NALF1: variants seen among roughly 807,000 people sequenced by gnomAD.
NALF1 encodes NALCN channel auxiliary factor 1.
A neutral mutation model predicts 48.4 loss-of-function variants in NALF1; 3 were observed. The ratio of observed to expected loss-of-function variants is 0.06; its 90% confidence interval spans 0.03 to 0.16. The LOEUF (loss-of-function observed/expected upper bound fraction) is 0.16. Ranked by LOEUF, NALF1 falls within the 10% of genes least tolerant of loss-of-function variation. The pLI is 1.00. For synonymous variants in NALF1, 262 were observed against 245.7 expected, an observed-to-expected ratio of 1.07 and a Z score of -0.62; for missense variants, 526 against 571.5, an observed-to-expected ratio of 0.92 and a Z score of 0.81.
At chr13:107,641,366 A>G (rs1880150565) in intron 1 of NALF1, among the ~76,000 whole-genome samples, 6 of 152,198 alleles carry the variant, frequency 3.9e-5, no homozygotes. Flanking sequence ...ACAGTTTGCA[A>G]TAATTTGTTG....
intron 1 of NALF1, among the ~76,000 whole-genome samples, chr13:107,247,160 G>T (rs1193172096): frequency 6.6e-6 from 1 of 152,204 alleles, no homozygotes; most frequent in South Asian, 2.1e-4. Flanking sequence ...AGATGGAAAT[G>T]CAACAGTGAA....
chr13:107,741,560 G>A (rs945556613), intron 1 of NALF1, among the ~76,000 whole-genome samples: 5 of 151,938 alleles, frequency 3.3e-5, no homozygotes, highest in African/African-American at 9.7e-5. Context: ...TAAACGGGAA[G>A]AGAAATATCT....
intron 1 of NALF1, among the ~76,000 whole-genome samples, chr13:107,298,640 CA>C (rs1382222732): frequency 1.4e-4 from 21 of 151,958 alleles, no homozygotes; most frequent in Admixed American, 1.4e-3. Context: ...CCATGGTGGT[CA>C]GGCTTGTCTC....
intron 1 of NALF1, among the ~76,000 whole-genome samples, chr13:107,795,307 G>C (rs542630979): frequency 1.3e-5 from 2 of 152,080 alleles, no homozygotes; most frequent in Admixed American, 6.5e-5. Context: ...AAAGAAAGAG[G>C]GGGGAAAGCC....
intron 1 of NALF1, among the ~76,000 whole-genome samples, chr13:107,642,212 C>T (rs1184882259): frequency 6.6e-6 from 1 of 152,126 alleles, no homozygotes. Flanking sequence ...AAGTAGTTGC[C>T]ATAATTCATG....
intron 1 of NALF1, among the ~76,000 whole-genome samples, chr13:107,768,164 G>A (rs964126956): frequency 2.0e-5 from 3 of 152,126 alleles, no homozygotes. Flanking sequence ...TTGATCCAAT[G>A]CCTCCTAGGA....
chr13:107,725,686 C>CAAA (rs1262849129), intron 1 of NALF1, among the ~76,000 whole-genome samples: 11 of 95,866 alleles, frequency 1.1e-4, no homozygotes, highest in Middle Eastern at 7.2e-3. Flanking sequence ...CTCTGTCTCT[C>CAAA]AAAAAAAAAA....
At chr13:107,676,301 C>T (rs1039337296) in intron 1 of NALF1, among the ~76,000 whole-genome samples, 2 of 152,124 alleles carry the variant, frequency 1.3e-5, no homozygotes, top group African/African-American at 4.8e-5. Context: ...CTAAAGATGT[C>T]AATGGGGCAG....
At chr13:107,787,152 T>C (rs1878099601) in intron 1 of NALF1, among the ~76,000 whole-genome samples, 1 of 152,196 alleles carries the variant, frequency 6.6e-6, no homozygotes, top group African/African-American at 2.4e-5. Flanking sequence ...TATTAAACTA[T>C]CATCACTATT....
At chr13:107,674,147 T>C (rs963501361) in intron 1 of NALF1, among the ~76,000 whole-genome samples, 1 of 150,034 alleles carries the variant, frequency 6.7e-6, no homozygotes, top group Non-Finnish European at 1.5e-5. Context: ...GTGTGATCAA[T>C]GGAAAGGTTA....
At chr13:107,361,241 A>C (rs1175712451) in intron 1 of NALF1, among the ~76,000 whole-genome samples, 1 of 152,208 alleles carries the variant, frequency 6.6e-6, no homozygotes, top group Non-Finnish European at 1.5e-5. Context: ...GGAACTGAGG[A>C]AATGACTATG....
At chr13:107,632,569 T>G (rs959494429) in intron 1 of NALF1, among the ~76,000 whole-genome samples, 2 of 152,134 alleles carry the variant, frequency 1.3e-5, no homozygotes, top group Non-Finnish European at 2.9e-5. Context: ...CTGTCCCACC[T>G]TTTAATGGCC....
chr13:107,633,005 AG>A (rs956723341), intron 1 of NALF1, among the ~76,000 whole-genome samples: 5 of 152,068 alleles, frequency 3.3e-5, no homozygotes, highest in Admixed American at 3.3e-4. Context: ...TAGCATGCAA[AG>A]TAAGACATGA....
At position 107,529,120 on chromosome 13, in the gene NALF1, T is replaced by A. The variant is rs574357740; in HGVS notation, c.916-318365A>T. 5.3e-5 allele frequency among the ~76,000 whole-genome samples: 8 copies of A among 152,262 alleles called. No homozygotes were observed. The East Asian group carries it at 1.6e-3, about 30-fold the overall frequency. On this transcript the variant is annotated intron_variant, in intron 1 of 2. Coordinates refer to ENST00000375915, the MANE Select transcript of NALF1 (RefSeq NM_001080396.3). ...TTCATTTATGTTCTATTTCATTTGC[T>A]TAACAAGATCTTCCCACCAGAGAGA... is the stretch of plus-strand genomic sequence containing the variant.
chr13:107,341,854 A>G (rs1164788078), intron 1 of NALF1, among the ~76,000 whole-genome samples: 1 of 150,526 alleles, frequency 6.6e-6, no homozygotes, highest in Non-Finnish European at 1.5e-5. Context: ...ATACAGACAC[A>G]CAGATAAACT....
intron 1 of NALF1, 71 bp from the exon 2 acceptor site, chr13:107,210,826 G>T (rs1879745778): frequency 9.7e-7 from 1 of 1,032,216 alleles, no homozygotes; most frequent in Non-Finnish European, 1.5e-6. Flanking sequence ...ACTGTGAGAA[G>T]CGTGCAAGCG....
chr13:107,831,290 A>G (rs903361904), intron 1 of NALF1, among the ~76,000 whole-genome samples: 10 of 152,230 alleles, frequency 6.6e-5, no homozygotes, highest in African/African-American at 2.4e-4. Context: ...TTTACCGTAC[A>G]TGTATACTGT....
chr13:107,341,880 A>AACACACAC (rs57041785), intron 1 of NALF1, among the ~76,000 whole-genome samples: 7,085 of 146,772 alleles, frequency 0.048, 196 homozygotes, highest in East Asian at 0.11. Context: ...TGCACATGCA[A>AACACACAC]ACACACACAC....
In NALF1 at chr13:107,362,002, T is replaced by G. The variant is rs1348546290; in HGVS notation, c.916-151247A>C. Among the ~76,000 whole-genome samples the G allele has an allele frequency of 2.0e-5, 3 of 152,124 alleles. No homozygotes were observed. The highest frequency in any genetic ancestry group is 1.5e-5 in the Non-Finnish European group (1 of 68,022). On this transcript the variant is annotated intron_variant, in intron 1 of 2. Coordinates refer to ENST00000375915, the MANE Select transcript of NALF1 (RefSeq NM_001080396.3). The surrounding 1 kb of genome is among the most constrained non-coding windows in gnomAD (Gnocchi z 4.6). ...AAGATGAATCCTTGTTCTGAGATGT[T>G]CTGGGATGGCACCATCATAAACTGG...
Sources: gnomAD v4.1 joint callset for allele counts (sites outside exome capture counted in the v4.1 genomes callset) on GRCh38, gnomAD v4.1.1 for gene constraint, Gnocchi (gnomAD v3.1) non-coding constraint, MANE v1.5 for transcripts, NCBI Gene and HGNC (gene_info 2026-07-23, HGNC 2026-07-21) for gene names.